SPAG16: variants seen among roughly 807,000 people sequenced by gnomAD.
The protein encoded by SPAG16 is sperm-associated antigen 16 protein.
Under a neutral mutation model 80.4 loss-of-function variants are expected in SPAG16, and 86 were observed. The ratio of observed to expected loss-of-function variants is 1.07; its 90% CI spans 0.90 to 1.28. The LOEUF is 1.28. Among genes scored for constraint, SPAG16 ranks in the 50% most tolerant of loss-of-function variants. SPAG16 has a pLI of 0.00. For missense variants in SPAG16, 870 were observed against 765.3 expected, an observed-to-expected ratio of 1.14 and a Z score of -1.61; for synonymous variants, 294 against 265.9, an observed-to-expected ratio of 1.11 and a Z score of -1.03.
intron 10 of SPAG16, among the ~76,000 whole-genome samples, chr2:213,521,504 C>T (rs537526401): frequency 6.6e-6 from 1 of 152,174 alleles, no homozygotes; most frequent in Non-Finnish European, 1.5e-5. Context: ...TTCTCTTGCT[C>T]CACAATGCCA....
intron 10 of SPAG16, among the ~76,000 whole-genome samples, chr2:213,856,629 T>C (rs1347569935): frequency 6.6e-6 from 1 of 152,146 alleles, no homozygotes; most frequent in African/African-American, 2.4e-5. Flanking sequence ...TCTTGACTTC[T>C]GATCCCCCAC....
chr2:213,826,196 C>A (rs1344473277), intron 10 of SPAG16, among the ~76,000 whole-genome samples: 1 of 151,730 alleles, frequency 6.6e-6, no homozygotes, highest in African/African-American at 2.4e-5. Context: ...CTTTCAAAAA[C>A]CAACTTTTTG....
rs182518101 is a variant in SPAG16, at chr2:214,357,812, A to G, written c.1721-52328A>G. ...ATAATTCTTTGAGAACTGGATTTAA[A>G]GAGATTCCTCTAGGGAAGGCTTATT... On this transcript the variant is annotated intron_variant, in intron 15 of 15. Coordinates refer to ENST00000331683, the MANE Select transcript of SPAG16 (RefSeq NM_024532.5). Among the ~76,000 whole-genome samples, 480 of 151,960 alleles carry G rather than the reference A, an allele frequency of 3.2e-3. 5 individuals are homozygous for G. Among genetic ancestry groups the G allele is most frequent in the Non-Finnish European group, 2.8e-3 (187 of 67,900 alleles).
intron 9 of SPAG16, among the ~76,000 whole-genome samples, chr2:213,424,532 CT>C (rs2069790026): frequency 6.6e-6 from 1 of 152,032 alleles, no homozygotes; most frequent in Non-Finnish European, 1.5e-5. Flanking sequence ...CTGGAGTTAT[CT>C]TTTTCTTAGA....
intron 10 of SPAG16, among the ~76,000 whole-genome samples, chr2:213,499,387 C>T (rs1047472554): frequency 6.6e-6 from 1 of 152,140 alleles, no homozygotes; most frequent in African/African-American, 2.4e-5. Context: ...CCCAACACCA[C>T]AGTAAGGACT....
At chr2:213,981,379 T>A (rs1000179984) in intron 12 of SPAG16, among the ~76,000 whole-genome samples, 1 of 152,140 alleles carries the variant, frequency 6.6e-6, no homozygotes, top group Non-Finnish European at 1.5e-5. Flanking sequence ...GAGCTCTTTT[T>A]TTCCAATGGG....
intron 1 of SPAG16, among the ~76,000 whole-genome samples, chr2:213,290,549 C>T (rs555881254): frequency 3.3e-5 from 5 of 152,220 alleles, no homozygotes; most frequent in East Asian, 1.9e-4. Context: ...CAGTGTTCTT[C>T]GAAGGAATAC....
chr2:213,340,498 C>G (rs1270913618), intron 6 of SPAG16, among the ~76,000 whole-genome samples: 1 of 152,048 alleles, frequency 6.6e-6, no homozygotes, highest in Non-Finnish European at 1.5e-5. Flanking sequence ...CTATGCCACC[C>G]AAGAGGGCCA....
intron 10 of SPAG16, among the ~76,000 whole-genome samples, chr2:213,712,550 G>C (rs575829524): frequency 1.8e-4 from 28 of 152,092 alleles, no homozygotes; most frequent in Admixed American, 1.2e-3. Flanking sequence ...CCCTCTACAC[G>C]TAGTAAGACA....
intron 15 of SPAG16, among the ~76,000 whole-genome samples, chr2:214,195,163 C>G (rs2057788692): frequency 6.6e-6 from 1 of 151,892 alleles, no homozygotes; most frequent in Admixed American, 6.6e-5. Context: ...AATAACACTT[C>G]CAGGCACAAG....
chr2:213,718,512 G>C (rs79839364), intron 10 of SPAG16, among the ~76,000 whole-genome samples: 1 of 152,182 alleles, frequency 6.6e-6, no homozygotes, highest in African/African-American at 2.4e-5. Flanking sequence ...AGCGGGAACC[G>C]GGGCTGCCTG....
chr2:214,406,519 T>C (rs941125929), intron 15 of SPAG16, among the ~76,000 whole-genome samples: 10 of 152,154 alleles, frequency 6.6e-5, no homozygotes, highest in Non-Finnish European at 1.5e-4. Flanking sequence ...TATTCAAATA[T>C]TCAAGTTTTT....
At chr2:214,043,040 A>G (rs2049120872) in intron 13 of SPAG16, among the ~76,000 whole-genome samples, 1 of 152,056 alleles carries the variant, frequency 6.6e-6, no homozygotes, top group African/African-American at 2.4e-5. Flanking sequence ...AATAATGTCA[A>G]AAAAACTCAT....
intron 14 of SPAG16, among the ~76,000 whole-genome samples, chr2:214,136,457 A>G (rs1330382560): frequency 3.3e-5 from 5 of 152,326 alleles, no homozygotes; most frequent in African/African-American, 1.2e-4. Context: ...ACTTTGTACA[A>G]GTTATTGTAA....
intron 11 of SPAG16, among the ~76,000 whole-genome samples, chr2:213,900,465 T>C (rs1046425912): frequency 1.3e-5 from 2 of 152,102 alleles, no homozygotes; most frequent in Non-Finnish European, 2.9e-5. Context: ...TTTAACATAA[T>C]TTCTGTCCTC....
chr2:214,061,662 TA>T (rs2125181584), intron 13 of SPAG16, among the ~76,000 whole-genome samples: 1 of 152,116 alleles, frequency 6.6e-6, no homozygotes, highest in South Asian at 2.1e-4. Flanking sequence ...TGATTGCATC[TA>T]AAATATACCT....
At chr2:213,989,219 G>A (rs933009422) in intron 12 of SPAG16, among the ~76,000 whole-genome samples, 11 of 151,992 alleles carry the variant, frequency 7.2e-5, no homozygotes, top group African/African-American at 2.7e-4. Flanking sequence ...CTGTAGCTTG[G>A]GCCTGGACAA....
intron 15 of SPAG16, among the ~76,000 whole-genome samples, chr2:214,332,957 A>G (rs1420032993): frequency 2.0e-5 from 3 of 152,202 alleles, no homozygotes; most frequent in Non-Finnish European, 2.9e-5. Flanking sequence ...CAATTTTAAC[A>G]AAGAAAGTTA....
At position 213,284,561 on chromosome 2, in the gene SPAG16, C is replaced by T. The variant is rs768947980; in HGVS notation, c.78C>T (p.Ala26=). 1 of 1,607,914 alleles carries T rather than the reference C, an allele frequency of 6.2e-7. No homozygotes were observed. The highest frequency in any genetic ancestry group is 8.5e-7 in the Non-Finnish European group (1 of 1,177,540). Residue 26 remains alanine (A), a synonymous_variant, in exon 1 of 16, where the codon GCC becomes GCT. Transcript: ENST00000331683. ...EEALGMGLTA[A]GDARDTADAV... Reference sequence around the variant, plus strand: ...CGTTGGGCATGGGTTTGACGGCAGCCGGGGACGCGAGGGACACGGCGGACG... The same window carrying T: ...CGTTGGGCATGGGTTTGACGGCAGCTGGGGACGCGAGGGACACGGCGGACG...
Sources: gnomAD v4.1 joint callset for allele counts (sites outside exome capture counted in the v4.1 genomes callset) on GRCh38, gnomAD v4.1.1 for gene constraint, MANE v1.5 for transcripts, NCBI Gene and HGNC (gene_info 2026-07-23, HGNC 2026-07-21) for gene names.